The following TTC39C variants were observed in gnomAD, a reference collection of about 807,000 sequenced individuals.
The protein encoded by TTC39C is tetratricopeptide repeat domain 39C, also known as tetratricopeptide repeat protein 39C.
Under a neutral mutation model 76.3 loss-of-function variants are expected in TTC39C, and 33 were observed. The ratio of observed to expected loss-of-function variants is 0.43; its 90% CI spans 0.33 to 0.58. The LOEUF is 0.58. Among genes scored for constraint, TTC39C ranks in the 20% least tolerant of loss-of-function variants. The probability of loss-of-function intolerance (pLI) is 0.04; values close to 1 mark genes in which losing one functional copy is unlikely to be tolerated. For synonymous variants in TTC39C, 254 were observed against 260.6 expected (o/e 0.97, Z 0.24); for missense variants, 595 against 701.4 (o/e 0.85, Z 1.71).
At chr18:24,103,555 C>A (rs1451747120) in intron 6 of TTC39C, among the ~76,000 whole-genome samples, 1 of 152,222 alleles carries the variant, frequency 6.6e-6, no homozygotes, top group East Asian at 1.9e-4. Flanking sequence ...TCTTATAGGG[C>A]ATATATTTCA....
At chr18:23,994,818 C>T (rs1005712197) in intron 1 of TTC39C, among the ~76,000 whole-genome samples, 6 of 152,090 alleles carry the variant, frequency 3.9e-5, no homozygotes, top group South Asian at 2.1e-4. Flanking sequence ...ACCAGGGCCA[C>T]GCGCTGATGC....
intron 4 of TTC39C, among the ~76,000 whole-genome samples, chr18:24,079,005 G>A (rs2084342242): frequency 6.6e-6 from 1 of 152,052 alleles, no homozygotes; most frequent in Non-Finnish European, 1.5e-5. Flanking sequence ...TTGGGTTTTT[G>A]TAAATCAGAT....
At chr18:24,040,281 C>T (rs376766370) in intron 1 of TTC39C, among the ~76,000 whole-genome samples, 4 of 152,186 alleles carry the variant, frequency 2.6e-5, no homozygotes, top group East Asian at 1.9e-4. Flanking sequence ...GACTTTCTTG[C>T]GTAAGCCGCA....
At chr18:24,130,478 A>G in intron 12 of TTC39C, 61 bp downstream of exon 12, 1 of 584,768 alleles carries the variant, frequency 1.7e-6, no homozygotes, top group Non-Finnish European at 2.4e-6. Flanking sequence ...AAAATGTGGA[A>G]GTGGGCAAGC....
intron 3 of TTC39C, among the ~76,000 whole-genome samples, chr18:24,066,363 T>C (rs2084166488): frequency 6.6e-6 from 1 of 152,206 alleles, no homozygotes; most frequent in Admixed American, 6.5e-5. Context: ...TTTTGATATC[T>C]TAGAATCATC....
At chr18:24,110,740 T>C (rs372018064) in intron 6 of TTC39C, among the ~76,000 whole-genome samples, 1 of 152,194 alleles carries the variant, frequency 6.6e-6, no homozygotes, top group East Asian at 1.9e-4. Context: ...ATTATGCTGG[T>C]GTGAATTTGT....
intron 1 of TTC39C, among the ~76,000 whole-genome samples, chr18:24,046,615 C>A (rs2083888667): frequency 6.6e-6 from 1 of 151,918 alleles, no homozygotes; most frequent in Non-Finnish European, 1.5e-5. Flanking sequence ...TTTAATTTGG[C>A]TAACAGTCTG....
intron 4 of TTC39C, among the ~76,000 whole-genome samples, chr18:24,075,563 A>C (rs2084294495): frequency 6.6e-6 from 1 of 151,858 alleles, no homozygotes; most frequent in South Asian, 2.1e-4. Context: ...GTGTGCCTGT[A>C]GTCCCAGCTA....
chr18:24,022,627 C>T, intron 1 of TTC39C: 1 of 985,418 alleles, frequency 1.0e-6, no homozygotes. Context: ...TGCACTCTGA[C>T]ACCCAGAAGC....
At position 24,080,571 on chromosome 18, in the gene TTC39C, CCTTCT is replaced by C; in HGVS notation, c.461-10_461-6del. The C allele has an allele frequency of 6.5e-7, 1 of 1,541,820 alleles. No homozygotes were observed. Among genetic ancestry groups the C allele is most frequent in the East Asian group, 2.3e-5 (1 of 44,238 alleles). On this transcript the variant is annotated splice_polypyrimidine_tract_variant and intron_variant, in intron 4 of 13. Transcript: ENST00000317571. ...TTGAATGTTTTTGAATCTTTTCTCC[CCTTCT>C]CTTTTTAGCTTATATCAAAGGTGGG...
At chr18:24,032,129 A>T (rs1228003267) in intron 1 of TTC39C, among the ~76,000 whole-genome samples, 1 of 152,148 alleles carries the variant, frequency 6.6e-6, no homozygotes, top group Non-Finnish European at 1.5e-5. Context: ...TCACCCCTAG[A>T]GCCTCCCCAG....
At chr18:24,064,490 TG>T (rs1477243931) in intron 2 of TTC39C, among the ~76,000 whole-genome samples, 1 of 152,216 alleles carries the variant, frequency 6.6e-6, no homozygotes, top group Non-Finnish European at 1.5e-5. Context: ...AAAAAAAGTC[TG>T]GGTTTGGGTA....
intron 3 of TTC39C, among the ~76,000 whole-genome samples, chr18:24,066,511 T>C (rs1297695649): frequency 1.3e-5 from 2 of 152,198 alleles, no homozygotes; most frequent in African/African-American, 4.8e-5. Flanking sequence ...GTTTACCTAA[T>C]TTTCCCCAGG....
Position 24,015,044 on chromosome 18 carries a change from C to T in TTC39C, c.167+6C>T. On this transcript the variant is annotated splice_donor_region_variant and intron_variant, in intron 1 of 13. Transcript: ENST00000317571. ...CAGCTTTTCAAACAATACAGGTGAC[C>T]CACGCGTCCCCGATTCCCCAACCCT... 1.4e-6 allele frequency: 2 copies of T among 1,427,910 alleles called. No homozygotes were observed. Among genetic ancestry groups the T allele is most frequent in the Non-Finnish European group, 1.8e-6 (2 of 1,083,160 alleles). 88.5% of individuals were successfully genotyped at this position (1,427,910 alleles called of 1,614,324 possible).
At chr18:24,081,350 A>G (rs2089448236) in intron 5 of TTC39C, among the ~76,000 whole-genome samples, 1 of 152,164 alleles carries the variant, frequency 6.6e-6, no homozygotes, top group African/African-American at 2.4e-5. Context: ...TGATGATTCA[A>G]GGTGGTTTCC....
At chr18:24,040,434 C>A (rs183949462) in intron 1 of TTC39C, among the ~76,000 whole-genome samples, 446 of 152,268 alleles carry the variant, frequency 2.9e-3, no homozygotes, top group Non-Finnish European at 5.0e-3. Flanking sequence ...CTAACCCTAA[C>A]GTAACTTTTA....
intron 1 of TTC39C, among the ~76,000 whole-genome samples, chr18:24,037,762 A>G (rs894821320): frequency 1.3e-5 from 2 of 152,240 alleles, no homozygotes; most frequent in Non-Finnish European, 2.9e-5. Flanking sequence ...GGAAGGTAGT[A>G]GTAAAGGGTA....
At chr18:24,088,197 C>A (rs2084469720) in intron 6 of TTC39C, among the ~76,000 whole-genome samples, 1 of 152,132 alleles carries the variant, frequency 6.6e-6, no homozygotes, top group African/African-American at 2.4e-5. Flanking sequence ...CAATCAGTTT[C>A]ATTTCTTGAG....
intron 1 of TTC39C, chr18:24,001,761 T>C (rs2083311865): frequency 1.3e-5 from 2 of 152,100 alleles, no homozygotes; most frequent in African/African-American, 4.8e-5. Context: ...AGAGGAAGTT[T>C]GGGGTTTTAA....
Sources: allele counts gnomAD v4.1 joint callset (sites outside exome capture counted in the v4.1 genomes callset), GRCh38; gene constraint gnomAD v4.1.1; transcripts MANE v1.5; gene names NCBI Gene and HGNC (gene_info 2026-07-23, HGNC 2026-07-21).